SIK3: variants seen among roughly 807,000 people sequenced by gnomAD.
SIK3 encodes SIK family kinase 3, also known as serine/threonine-protein kinase SIK3.
Under a neutral mutation model 144.2 loss-of-function variants are expected in SIK3, and 28 were observed. The observed-to-expected ratio is 0.19, with a 90% CI of 0.14 to 0.27. SIK3 has a LOEUF of 0.27. Ranked by LOEUF, SIK3 falls within the 10% of genes least tolerant of loss-of-function variation. The pLI, the probability that SIK3 is intolerant of heterozygous loss-of-function variation, is 1.00. For synonymous variants in SIK3, 686 were observed against 676.3 expected, an observed-to-expected ratio of 1.01 and a Z score of -0.22; for missense variants, 1,319 against 1,776.0, an observed-to-expected ratio of 0.74 and a Z score of 4.62.
intron 1 of SIK3, among the ~76,000 whole-genome samples, chr11:116,961,417 A>T (rs2135420048): frequency 6.6e-6 from 1 of 152,352 alleles, no homozygotes; most frequent in South Asian, 2.1e-4. Context: ...TGTTTTGAGA[A>T]TATCTAAACA....
At chr11:116,936,302 C>T (rs958711970) in intron 3 of SIK3, among the ~76,000 whole-genome samples, 1 of 152,104 alleles carries the variant, frequency 6.6e-6, no homozygotes, top group Admixed American at 6.5e-5. Context: ...ATCTCAGCCT[C>T]CCAAGTCACT....
At position 116,859,572 on chromosome 11, in the gene SIK3, G is replaced by T. The variant is rs774882185; in HGVS notation, c.2458C>A (p.Pro820Thr). 1 of 1,613,992 alleles carries T rather than the reference G, an allele frequency of 6.2e-7. No homozygotes were observed. The highest frequency in any genetic ancestry group is 1.3e-5 in the African/African-American group (1 of 74,916). The change falls in exon 20 of 25, where the codon CCT becomes ACT. Residue 820 changes from proline to threonine, a missense_variant. Pro to Thr is a conservative substitution (Grantham distance 38, BLOSUM62 -1). Around this residue, in one of 8 missense-constraint regions of SIK3, gnomAD observed 646 missense variants for 763.7 expected, o/e 0.85. Transcript: ENST00000445177. ...TGCTGAAAGATTGCACTGCGGGAAG[G>T]TAAGCCTTGAAACTGGGAAGAAGAT... ...AASSSQFQGL[P>T]SRSAIFQQQP...
chr11:116,919,742 T>C (rs1257237305), intron 4 of SIK3, among the ~76,000 whole-genome samples: 1 of 152,040 alleles, frequency 6.6e-6, no homozygotes, highest in Non-Finnish European at 1.5e-5. Flanking sequence ...CAAAACACCA[T>C]TTTTTTGATA....
intron 6 of SIK3, among the ~76,000 whole-genome samples, chr11:116,893,125 G>A (rs902658097): frequency 1.3e-5 from 2 of 152,128 alleles, no homozygotes; most frequent in Non-Finnish European, 2.9e-5. Flanking sequence ...GTATTATAGT[G>A]GTGAATACAT....
chr11:116,995,890 CT>C (rs1355357360), intron 1 of SIK3, among the ~76,000 whole-genome samples: 1 of 152,110 alleles, frequency 6.6e-6, no homozygotes, highest in East Asian at 1.9e-4. Context: ...TAGAACCTGC[CT>C]GTAGTCCCAA....
At position 116,846,605 on chromosome 11, in the gene SIK3, A is replaced by G. The variant is rs375723080; in HGVS notation, c.3953-52T>C. 3.7e-6 allele frequency: 6 copies of G among 1,606,202 alleles called. No individual in the cohort carries two copies. In the African/African-American group the frequency reaches 6.7e-5, roughly 18 times the overall value. ...GTTGGCAGGGAACTGGGGGACTAGG[A>G]GAGCAAGGGGGAGAGAGAGGAGGAA... On this transcript the variant is annotated intron_variant, in intron 23 of 24. Transcript: ENST00000445177. The surrounding 1 kb of genome is among the most constrained non-coding windows in gnomAD (Gnocchi z 4.1).
chr11:116,969,005 C>CA (rs1347912604), intron 1 of SIK3, among the ~76,000 whole-genome samples: 1 of 151,956 alleles, frequency 6.6e-6, no homozygotes, highest in Non-Finnish European at 1.5e-5. Flanking sequence ...TTAAGATAGA[C>CA]AGACGGCCGA....
At chr11:116,988,484 A>G (rs2135547205) in intron 1 of SIK3, among the ~76,000 whole-genome samples, 1 of 152,284 alleles carries the variant, frequency 6.6e-6, no homozygotes, top group East Asian at 1.9e-4. Context: ...AAACATTATA[A>G]GAGAAAAAAC....
chr11:116,947,711 G>A (rs1253893279), intron 3 of SIK3, among the ~76,000 whole-genome samples: 1 of 151,426 alleles, frequency 6.6e-6, no homozygotes. Context: ...GACTACAGGT[G>A]CCCACCACCT....
intron 1 of SIK3, among the ~76,000 whole-genome samples, chr11:117,000,399 G>C (rs1302895326): frequency 6.6e-6 from 1 of 152,142 alleles, no homozygotes; most frequent in African/African-American, 2.4e-5. Flanking sequence ...AGCCACTTGG[G>C]ATTTGTTTGT....
chr11:116,863,844 G>A (rs775060314), intron 15 of SIK3, 26 bp from the exon 16 acceptor site: 37 of 1,576,242 alleles, frequency 2.3e-5, no homozygotes, highest in Non-Finnish European at 3.1e-5. Context: ...GAGAAGGTTA[G>A]AGGCTAGGAC....
intron 2 of SIK3, 99 bp downstream of exon 2, chr11:116,956,849 A>G (rs587703): frequency 0.031 from 20,231 of 651,380 alleles, 838 homozygotes; most frequent in African/African-American, 0.14. Context: ...GAAACAAAAA[A>G]AGTCACAGAT....
chr11:116,969,328 A>G (rs1476525391), intron 1 of SIK3, among the ~76,000 whole-genome samples: 1 of 151,170 alleles, frequency 6.6e-6, no homozygotes, highest in Non-Finnish European at 1.5e-5. Context: ...ATTTGCATAA[A>G]TATTGTTCTA....
chr11:117,023,890 G>A (rs1309728907), intron 1 of SIK3, among the ~76,000 whole-genome samples: 1 of 151,840 alleles, frequency 6.6e-6, no homozygotes, highest in Non-Finnish European at 1.5e-5. Flanking sequence ...TGTTGGCCAG[G>A]CTGGTCTTGA....
chr11:117,060,521 C>T (rs898103432), intron 1 of SIK3, among the ~76,000 whole-genome samples: 3 of 150,672 alleles, frequency 2.0e-5, no homozygotes, highest in African/African-American at 7.3e-5. Context: ...CGCTTGAACC[C>T]GAGAGGCAGA....
chr11:116,956,925 C>G, intron 2 of SIK3, 23 bp downstream of exon 2: 2 of 1,438,540 alleles, frequency 1.4e-6, no homozygotes, highest in Non-Finnish European at 1.9e-6. Context: ...TTGCAGCTAT[C>G]TGCTATACAC....
Position 116,844,682 on chromosome 11 carries a change from T to TTA in SIK3, c.*959_*960dup, listed in dbSNP as rs1941820347. ...AATATATATATACACATATATTATA[T>TTA]TATATATATACACACATATATAATA... is the stretch of plus-strand genomic sequence containing the variant. On this transcript the variant is annotated 3_prime_UTR_variant, in exon 25 of 25. Coordinates refer to ENST00000445177, the MANE Select transcript of SIK3 (RefSeq NM_001366686.3). 1 of 123,528 alleles carries TTA rather than the reference T, an allele frequency of 8.1e-6. No homozygotes were observed. Among genetic ancestry groups the TTA allele is most frequent in the Non-Finnish European group, 1.6e-5 (1 of 64,022 alleles). 7.7% of individuals were successfully genotyped at this position (123,528 alleles called of 1,614,324 possible). A position where few individuals can be genotyped will look rare whatever the true frequency, so the allele number is the denominator to read the frequency against.
chr11:116,972,007 A>T (rs1489573159), intron 1 of SIK3, among the ~76,000 whole-genome samples: 1 of 151,448 alleles, frequency 6.6e-6, no homozygotes, highest in Non-Finnish European at 1.5e-5. Context: ...AACTGCTTAA[A>T]CCTGGAGGGG....
intron 1 of SIK3, among the ~76,000 whole-genome samples, chr11:117,093,489 TTTC>T (rs1337182787): frequency 6.6e-6 from 1 of 152,184 alleles, no homozygotes; most frequent in East Asian, 1.9e-4. Flanking sequence ...TGCAGAAACA[TTTC>T]TTAAATATTT....
Sources: gnomAD v4.1 joint callset for allele counts (sites outside exome capture counted in the v4.1 genomes callset) on GRCh38, gnomAD v4.1.1 for gene constraint, gnomAD v4.1.1 regional missense constraint, Gnocchi (gnomAD v3.1) non-coding constraint, MANE v1.5 for transcripts, NCBI Gene and HGNC (gene_info 2026-07-23, HGNC 2026-07-21) for gene names.